Variants in SOX5 observed in about 807,000 individuals in gnomAD.
The protein encoded by SOX5 is SRY-box transcription factor 5.
In SOX5, 9 loss-of-function variants were observed where a neutral mutation model predicts 92.0. The ratio of observed to expected loss-of-function variants is 0.10; its 90% CI spans 0.06 to 0.17. The LOEUF (loss-of-function observed/expected upper bound fraction) is 0.17, where lower values mean the gene tolerates loss of function less well. Ranked by LOEUF, SOX5 falls within the 10% of genes least tolerant of loss-of-function variation. The pLI is 1.00. For missense variants in SOX5, 642 were observed against 944.5 expected, an observed-to-expected ratio of 0.68 and a Z score of 4.20; for synonymous variants, 344 against 336.3, an observed-to-expected ratio of 1.02 and a Z score of -0.25.
chr12:24,333,158 T>C (rs12311503), intron 2 of SOX5, among the ~76,000 whole-genome samples: 4,056 of 152,080 alleles, frequency 0.027, 151 homozygotes, highest in African/African-American at 0.081. Context: ...ATGAAGATAA[T>C]GAAATATCAA....
chr12:23,551,756 T>G (rs1369118065), intron 11 of SOX5, among the ~76,000 whole-genome samples: 1 of 151,760 alleles, frequency 6.6e-6, no homozygotes, highest in African/African-American at 2.4e-5. Context: ...GGTCTAGGTA[T>G]CCACAAAATC....
intron 3 of SOX5, among the ~76,000 whole-genome samples, chr12:23,785,275 T>A (rs1016205085): frequency 6.6e-6 from 1 of 152,170 alleles, no homozygotes; most frequent in African/African-American, 2.4e-5. Flanking sequence ...TACTTTAAAA[T>A]TAGTCTTGAG....
intron 1 of SOX5, among the ~76,000 whole-genome samples, chr12:24,475,990 A>AT (rs1187019024): frequency 6.5e-5 from 6 of 92,142 alleles, no homozygotes; most frequent in Non-Finnish European, 1.2e-4. Flanking sequence ...TCCGAAATAC[A>AT]TTTAAAAAAA....
At chr12:24,433,295 T>C (rs1028213534) in intron 1 of SOX5, among the ~76,000 whole-genome samples, 5 of 152,310 alleles carry the variant, frequency 3.3e-5, no homozygotes, top group African/African-American at 7.2e-5. Context: ...TAAAAATGAA[T>C]TGGAAAACTA....
intron 1 of SOX5, among the ~76,000 whole-genome samples, chr12:24,440,176 T>C (rs1340723923): frequency 6.6e-6 from 1 of 152,208 alleles, no homozygotes; most frequent in Non-Finnish European, 1.5e-5. Flanking sequence ...CTGGCTCTTA[T>C]GGTTTAAATT....
intron 10 of SOX5, among the ~76,000 whole-genome samples, chr12:23,574,351 T>C (rs2136659074): frequency 6.6e-6 from 1 of 152,296 alleles, no homozygotes; most frequent in Admixed American, 6.5e-5. Flanking sequence ...TTCCTTGTGC[T>C]GCAAATTCAA....
intron 2 of SOX5, among the ~76,000 whole-genome samples, chr12:23,853,208 C>T (rs1042404230): frequency 1.7e-4 from 25 of 150,714 alleles, no homozygotes; most frequent in African/African-American, 6.1e-4. Flanking sequence ...TTGAAACACG[C>T]TTATGTTTCC....
intron 6 of SOX5, among the ~76,000 whole-genome samples, chr12:23,713,470 G>A (rs1189199400): frequency 6.6e-6 from 1 of 152,146 alleles, no homozygotes; most frequent in Non-Finnish European, 1.5e-5. Flanking sequence ...GTAGTGAAGT[G>A]TGTAGAATTT....
At chr12:24,056,714 G>A (rs372789028) in intron 4 of SOX5, among the ~76,000 whole-genome samples, 1 of 151,898 alleles carries the variant, frequency 6.6e-6, no homozygotes, top group Non-Finnish European at 1.5e-5. Flanking sequence ...GGTGGCTCAC[G>A]CCTGTAATCC....
At chr12:24,382,124 A>G (rs150549250) in intron 1 of SOX5, among the ~76,000 whole-genome samples, 339 of 152,320 alleles carry the variant, frequency 2.2e-3, no homozygotes, top group African/African-American at 7.9e-3. Context: ...AACAAGATAA[A>G]TGAACATATG....
In SOX5 at chr12:23,842,501, C is replaced by T. The variant is rs566335289; in HGVS notation, c.481+3482G>A. On this transcript the variant is annotated intron_variant, in intron 3 of 14. Coordinates refer to ENST00000451604, the MANE Select transcript of SOX5 (RefSeq NM_006940.6). ...AGAGGCCCTCAAAGGAACGATACGT[C>T]AGAAGCAAGGGATATACTCTGCATT... Among the ~76,000 whole-genome samples the T allele has an allele frequency of 3.3e-5, 5 of 152,250 alleles. No homozygotes were observed. The South Asian group carries it at 1.0e-3, about 32-fold the overall frequency.
At chr12:24,490,797 T>C (rs1234331699) in intron 1 of SOX5, among the ~76,000 whole-genome samples, 1 of 152,176 alleles carries the variant, frequency 6.6e-6, no homozygotes, top group Non-Finnish European at 1.5e-5. Flanking sequence ...CTATTGCTCA[T>C]TTGCTAACTG....
chr12:23,947,842 T>C lies in SOX5; in HGVS notation c.38+1722A>G, dbSNP rs1436973162. Among the ~76,000 whole-genome samples the C allele has an allele frequency of 2.0e-5, 3 of 152,032 alleles. No individual in the cohort carries two copies. The East Asian group carries it at 5.8e-4, about 29-fold the overall frequency. The stretch of plus-strand genomic sequence containing the variant: ...TAAAGTTCACAGCAGGAAGCTTGCC[T>C]ATATAGAGAAATAGGCTACAGCCTG... On this transcript the variant is annotated intron_variant, in intron 1 of 14. Coordinates refer to ENST00000451604, the MANE Select transcript of SOX5 (RefSeq NM_006940.6).
At chr12:23,930,492 T>C (rs1941158162) in intron 1 of SOX5, among the ~76,000 whole-genome samples, 1 of 151,724 alleles carries the variant, frequency 6.6e-6, no homozygotes, top group South Asian at 2.1e-4. Flanking sequence ...TACAGTCATA[T>C]CTAAGGAATA....
At chr12:23,830,822 A>C (rs2096304866) in intron 3 of SOX5, among the ~76,000 whole-genome samples, 1 of 152,164 alleles carries the variant, frequency 6.6e-6, no homozygotes, top group Admixed American at 6.6e-5. Flanking sequence ...CTGTTGATGT[A>C]ATATGGTTCA....
chr12:23,657,980 G>A (rs911331877), intron 7 of SOX5, among the ~76,000 whole-genome samples: 1 of 152,156 alleles, frequency 6.6e-6, no homozygotes, highest in African/African-American at 2.4e-5. Flanking sequence ...ATTTATCAAA[G>A]AAAGAGTCTT....
At chr12:24,353,645 C>CT (rs911871904) in intron 2 of SOX5, among the ~76,000 whole-genome samples, 18 of 147,412 alleles carry the variant, frequency 1.2e-4, no homozygotes, top group East Asian at 2.0e-4. Context: ...CATTATTATT[C>CT]TTTTTTTTTT....
At chr12:24,524,959 G>A (rs755934680) in intron 1 of SOX5, among the ~76,000 whole-genome samples, 1 of 152,124 alleles carries the variant, frequency 6.6e-6, no homozygotes, top group Non-Finnish European at 1.5e-5. Flanking sequence ...ACAGGACCCT[G>A]TCTCAAACAA....
At chr12:24,197,921 T>C (rs1297394092) in intron 4 of SOX5, among the ~76,000 whole-genome samples, 1 of 152,130 alleles carries the variant, frequency 6.6e-6, no homozygotes, top group African/African-American at 2.4e-5. Flanking sequence ...CACTTATCAT[T>C]GTATGCTCTT....
Sources: gnomAD v4.1 joint callset for allele counts (sites outside exome capture counted in the v4.1 genomes callset) on GRCh38, gnomAD v4.1.1 for gene constraint, MANE v1.5 for transcripts, NCBI Gene and HGNC (gene_info 2026-07-23, HGNC 2026-07-21) for gene names.